The following THSD4 variants were observed in gnomAD, a reference collection of about 807,000 sequenced individuals.
THSD4 encodes thrombospondin type-1 domain-containing protein 4.
Under a neutral mutation model 119.0 loss-of-function variants are expected in THSD4, and 69 were observed. That is an observed-to-expected ratio of 0.58 (90% CI 0.48 to 0.71). THSD4 has a LOEUF of 0.71. THSD4 is among the 30% of genes least tolerant of loss of function. THSD4 has a pLI of 0.00. For missense variants in THSD4, 1,393 were observed against 1,391.1 expected (o/e 1.00, Z -0.02); for synonymous variants, 524 against 540.4 (o/e 0.97, Z 0.42).
intron 6 of THSD4, among the ~76,000 whole-genome samples, chr15:71,275,727 G>T (rs1478157638): frequency 2.6e-5 from 4 of 152,126 alleles, no homozygotes; most frequent in East Asian, 1.9e-4. Context: ...GAATCATGGG[G>T]GCAGTTACCC....
At chr15:71,550,675 C>T (rs2048913873) in intron 7 of THSD4, among the ~76,000 whole-genome samples, 1 of 152,146 alleles carries the variant, frequency 6.6e-6, no homozygotes, top group African/African-American at 2.4e-5. Context: ...CTCCTGACCT[C>T]GTGATCCGCC....
chr15:71,653,196 A>G (rs551907868), intron 7 of THSD4, among the ~76,000 whole-genome samples: 2 of 152,236 alleles, frequency 1.3e-5, no homozygotes, highest in Non-Finnish European at 2.9e-5. Context: ...AGCTAAGCCA[A>G]GAGGCAATCT....
intron 4 of THSD4, among the ~76,000 whole-genome samples, chr15:71,230,724 C>G (rs1482298313): frequency 6.6e-6 from 1 of 152,228 alleles, no homozygotes; most frequent in Admixed American, 6.5e-5. Flanking sequence ...TTCTCTTCAC[C>G]TTCAGAGATA....
At chr15:71,596,254 C>G (rs2049904857) in intron 7 of THSD4, among the ~76,000 whole-genome samples, 1 of 152,192 alleles carries the variant, frequency 6.6e-6, no homozygotes, top group South Asian at 2.1e-4. Context: ...ACAAATGACA[C>G]AGTGTGTGTC....
At chr15:71,638,281 A>T (rs7180181) in intron 7 of THSD4, among the ~76,000 whole-genome samples, 1 of 151,738 alleles carries the variant, frequency 6.6e-6, no homozygotes, top group Non-Finnish European at 1.5e-5. Context: ...TCTCTGGGTT[A>T]TATTTCCAGA....
chr15:71,318,413 T>C lies in THSD4; in HGVS notation c.1015+61698T>C, dbSNP rs576601337. 5.3e-5 allele frequency among the ~76,000 whole-genome samples: 8 copies of C among 152,300 alleles called. No individual in the cohort carries two copies. In the South Asian group the frequency reaches 6.2e-4, roughly 12 times the overall value. The stretch of plus-strand genomic sequence containing the variant: ...TTTGGTGTTTTCTACACCTGGGACA[T>C]TTGTTCCTTTACCACACTGAGAGAT... On this transcript the variant is annotated intron_variant, in intron 6 of 17. Transcript: ENST00000261862.
rs1366179722 is a variant in THSD4, at chr15:71,177,794, A to G, written c.99+22862A>G. ...CACATCAAAAAGCTTATCCACCATGATCAAGTGGGCTTCATCCCTGGGATG... is the reference window on the plus strand; with the variant it reads ...CACATCAAAAAGCTTATCCACCATGGTCAAGTGGGCTTCATCCCTGGGATG... On this transcript the variant is annotated intron_variant, in intron 3 of 17. Coordinates refer to ENST00000261862, the MANE Select transcript of THSD4 (RefSeq NM_024817.3). Among the ~76,000 whole-genome samples, 3 of 147,156 alleles carry G rather than the reference A, an allele frequency of 2.0e-5. No individual in the cohort carries two copies. The East Asian group carries it at 6.1e-4, about 30-fold the overall frequency.
At chr15:71,768,451 CTT>C (rs2053753469) in intron 16 of THSD4, among the ~76,000 whole-genome samples, 1 of 151,738 alleles carries the variant, frequency 6.6e-6, no homozygotes, top group South Asian at 2.1e-4. Context: ...CAACCAAAAA[CTT>C]TTTAAGTGCA....
chr15:71,373,645 C>G (rs922254667), intron 6 of THSD4, among the ~76,000 whole-genome samples: 1 of 152,154 alleles, frequency 6.6e-6, no homozygotes, highest in Admixed American at 6.5e-5. Context: ...TCAGGAAACT[C>G]GAGTTCTTGG....
In THSD4 at chr15:71,724,287, A is replaced by ATATATATATATAT; in HGVS notation, c.1358-4261_1358-4260insATATATATATATT. On this transcript the variant is annotated intron_variant, in intron 8 of 17. Transcript: ENST00000261862. ...ATGGGATATATATATATATATATATATTTTTTTTTTCCCCCCAAGATGGAA... is the reference window on the plus strand; with the variant it reads ...ATGGGATATATATATATATATATATATATATATATATATTTTTTTTTTTCCCCCCAAGATGGAA... Among the ~76,000 whole-genome samples the ATATATATATATAT allele has an allele frequency of 2.4e-4, 9 of 37,292 alleles. 1 individual carries two copies. The highest frequency in any genetic ancestry group is 2.0e-3 in the South Asian group (1 of 490). The allele number at this position is 37,292 out of a possible 152,430, so 24.5% of individuals were successfully genotyped here.
At chr15:71,713,184 C>T (rs2052547742) in intron 8 of THSD4, among the ~76,000 whole-genome samples, 2 of 152,190 alleles carry the variant, frequency 1.3e-5, no homozygotes, top group South Asian at 4.1e-4. Flanking sequence ...AATCTTAGAA[C>T]CCCATATGCT....
At chr15:71,375,587 T>C (rs1566960443) in intron 6 of THSD4, among the ~76,000 whole-genome samples, 1 of 152,148 alleles carries the variant, frequency 6.6e-6, no homozygotes, top group Non-Finnish European at 1.5e-5. Context: ...ACAAGCAGTA[T>C]TGATGATGTC....
intron 7 of THSD4, among the ~76,000 whole-genome samples, chr15:71,535,305 G>A (rs12443024): frequency 0.32 from 48,258 of 151,988 alleles, 8,380 homozygotes; most frequent in East Asian, 0.63. Flanking sequence ...AGCATGTATC[G>A]ATACTTCGTT....
chr15:71,412,721 G>C (rs2046706182), intron 7 of THSD4, among the ~76,000 whole-genome samples: 1 of 152,136 alleles, frequency 6.6e-6, no homozygotes, highest in Non-Finnish European at 1.5e-5. Flanking sequence ...GGTGTTATTT[G>C]TGAGCACAAC....
intron 7 of THSD4, among the ~76,000 whole-genome samples, chr15:71,473,816 A>G (rs1293795536): frequency 6.6e-6 from 1 of 152,228 alleles, no homozygotes; most frequent in African/African-American, 2.4e-5. Flanking sequence ...GGCCACCATC[A>G]GTGGAAGGTT....
chr15:71,098,883 A>G (rs552892397), intron 1 of THSD4, among the ~76,000 whole-genome samples: 95 of 152,330 alleles, frequency 6.2e-4, no homozygotes, highest in Non-Finnish European at 1.2e-3. Flanking sequence ...GGCAGAAAAT[A>G]TTGGATTTTG....
intron 8 of THSD4, among the ~76,000 whole-genome samples, 157 bp from the exon 9 acceptor site, chr15:71,728,392 T>A (rs545859075): frequency 1.6e-4 from 24 of 152,382 alleles, no homozygotes; most frequent in Admixed American, 5.2e-4. Context: ...GTAATCTAGA[T>A]GCCTAATGGC....
At chr15:71,682,142 G>C (rs991836754) in intron 8 of THSD4, among the ~76,000 whole-genome samples, 3 of 152,162 alleles carry the variant, frequency 2.0e-5, no homozygotes, top group African/African-American at 7.2e-5. Context: ...AATTAAGTAA[G>C]TTAAACTTTC....
chr15:71,635,514 T>C (rs2140953201), intron 7 of THSD4, among the ~76,000 whole-genome samples: 2 of 152,344 alleles, frequency 1.3e-5, no homozygotes, highest in Admixed American at 1.3e-4. Flanking sequence ...TTTACAGTAG[T>C]GACTTTGCTA....
Sources: allele counts gnomAD v4.1 joint callset (sites outside exome capture counted in the v4.1 genomes callset), GRCh38; gene constraint gnomAD v4.1.1; transcripts MANE v1.5; gene names NCBI Gene and HGNC (gene_info 2026-07-23, HGNC 2026-07-21).